The following ERC2 variants were observed in gnomAD, a reference collection of about 807,000 sequenced individuals.
ERC2 encodes ELKS/RAB6-interacting/CAST family member 2.
Under a neutral mutation model 114.8 loss-of-function variants are expected in ERC2, and 42 were observed. That is an observed-to-expected ratio of 0.37 (90% CI 0.29 to 0.47). The LOEUF (loss-of-function observed/expected upper bound fraction) is 0.47, where lower values mean the gene tolerates loss of function less well. ERC2 is among the 20% of genes least tolerant of loss of function. The pLI is 0.99. For synonymous variants in ERC2, 454 were observed against 425.5 expected, an observed-to-expected ratio of 1.07 and a Z score of -0.82; for missense variants, 939 against 1,150.7, an observed-to-expected ratio of 0.82 and a Z score of 2.66.
intron 13 of ERC2, among the ~76,000 whole-genome samples, chr3:55,944,571 T>C (rs2067011373): frequency 6.6e-6 from 1 of 152,220 alleles, no homozygotes; most frequent in African/African-American, 2.4e-5. Context: ...AACAGTTTTA[T>C]TTACACGATT....
chr3:55,666,504 T>A (rs2061361914), intron 17 of ERC2, among the ~76,000 whole-genome samples: 1 of 152,176 alleles, frequency 6.6e-6, no homozygotes, highest in Admixed American at 6.5e-5. Flanking sequence ...CAAACTCTGA[T>A]AATGTTCAAA....
chr3:56,281,345 G>A (rs1250735504), intron 3 of ERC2, among the ~76,000 whole-genome samples: 1 of 131,046 alleles, frequency 7.6e-6, no homozygotes, highest in Non-Finnish European at 1.6e-5. Context: ...GCTGAGGCAG[G>A]AGAATGGCGT....
chr3:56,192,422 T>C (rs768819642), intron 3 of ERC2, among the ~76,000 whole-genome samples: 8 of 152,188 alleles, frequency 5.3e-5, no homozygotes, highest in Non-Finnish European at 7.3e-5. Context: ...ATAATCTCAT[T>C]TATATTCTAT....
intron 2 of ERC2, among the ~76,000 whole-genome samples, chr3:56,416,441 A>G (rs1006612950): frequency 3.3e-5 from 5 of 152,076 alleles, no homozygotes; most frequent in Admixed American, 2.0e-4. Flanking sequence ...CAAACTATGC[A>G]TCTTGTTCAG....
At chr3:56,321,837 A>G (rs999060451) in intron 2 of ERC2, among the ~76,000 whole-genome samples, 2 of 152,236 alleles carry the variant, frequency 1.3e-5, no homozygotes, top group Non-Finnish European at 2.9e-5. Context: ...AATTTACTTT[A>G]ACAATAGAAA....
At chr3:56,410,358 T>C (rs1222582260) in intron 2 of ERC2, among the ~76,000 whole-genome samples, 1 of 152,232 alleles carries the variant, frequency 6.6e-6, no homozygotes, top group Admixed American at 6.5e-5. Context: ...TCAAGCCATA[T>C]GAATAAATTA....
chr3:55,891,681 A>G (rs372006881), intron 13 of ERC2, among the ~76,000 whole-genome samples: 2 of 152,054 alleles, frequency 1.3e-5, no homozygotes, highest in East Asian at 3.9e-4. Context: ...TCCTGACCTC[A>G]TGATCCACCC....
At chr3:55,786,203 G>A (rs1575595894) in intron 14 of ERC2, among the ~76,000 whole-genome samples, 1 of 152,284 alleles carries the variant, frequency 6.6e-6, no homozygotes, top group East Asian at 1.9e-4. Context: ...TGTGGAATGT[G>A]TACATGTAAT....
intron 13 of ERC2, among the ~76,000 whole-genome samples, chr3:55,931,529 A>G (rs2066087267): frequency 6.6e-6 from 1 of 152,180 alleles, no homozygotes; most frequent in South Asian, 2.1e-4. Context: ...ACATGTTCTC[A>G]TTCATAAATG....
intron 15 of ERC2, among the ~76,000 whole-genome samples, chr3:55,730,330 T>G (rs999083400): frequency 1.3e-5 from 2 of 152,212 alleles, no homozygotes; most frequent in Non-Finnish European, 2.9e-5. Context: ...TATAGATGAT[T>G]CCCCAGCACT....
At chr3:55,563,776 G>C (rs1408325711) in intron 17 of ERC2, among the ~76,000 whole-genome samples, 1 of 152,044 alleles carries the variant, frequency 6.6e-6, no homozygotes, top group Non-Finnish European at 1.5e-5. Flanking sequence ...AAGATAGAGA[G>C]ATAGACAGAG....
At chr3:56,155,418 T>TTGAGAA (rs2081652385) in intron 4 of ERC2, among the ~76,000 whole-genome samples, 1 of 151,488 alleles carries the variant, frequency 6.6e-6, no homozygotes, top group African/African-American at 2.4e-5. Context: ...TTCTTTGATA[T>TTGAGAA]CATGTATTGA....
chr3:56,352,481 C>G (rs61238596), intron 2 of ERC2, among the ~76,000 whole-genome samples: 3,010 of 152,250 alleles, frequency 0.02, 104 homozygotes, highest in African/African-American at 0.066. Context: ...GGGGAGGTGG[C>G]AAGCTCAGAC....
chr3:56,174,425 C>T (rs1236401880), intron 3 of ERC2, among the ~76,000 whole-genome samples: 1 of 152,182 alleles, frequency 6.6e-6, no homozygotes, highest in Admixed American at 6.5e-5. Context: ...ATCAAAAGTG[C>T]TCACACATAC....
intron 6 of ERC2, among the ~76,000 whole-genome samples, chr3:56,122,805 C>T (rs2079652333): frequency 6.6e-6 from 1 of 152,308 alleles, no homozygotes; most frequent in African/African-American, 2.4e-5. Flanking sequence ...TTTGCCACTG[C>T]TTCTGCTGCT....
intron 14 of ERC2, among the ~76,000 whole-genome samples, chr3:55,854,166 T>C (rs1280840572): frequency 6.6e-6 from 1 of 152,072 alleles, no homozygotes; most frequent in Non-Finnish European, 1.5e-5. Flanking sequence ...TCCCAGCTAC[T>C]TGGGAAGCTG....
At chr3:55,995,884 T>C (rs1046923523) in intron 10 of ERC2, among the ~76,000 whole-genome samples, 1 of 152,332 alleles carries the variant, frequency 6.6e-6, no homozygotes, top group South Asian at 2.1e-4. Context: ...TTCAAAATTA[T>C]GAGTCCTGAG....
At chr3:55,863,301 T>G (rs2062108140) in intron 14 of ERC2, among the ~76,000 whole-genome samples, 1 of 152,128 alleles carries the variant, frequency 6.6e-6, no homozygotes, top group Non-Finnish European at 1.5e-5. Context: ...CTTGAATATC[T>G]CTGCTTGCTC....
chr3:56,180,141 C>T (rs938824209), intron 3 of ERC2, among the ~76,000 whole-genome samples: 2 of 152,136 alleles, frequency 1.3e-5, no homozygotes, highest in Admixed American at 1.3e-4. Context: ...ACATCAATTG[C>T]TACTGAGAGA....
Sources: allele counts gnomAD v4.1 joint callset (sites outside exome capture counted in the v4.1 genomes callset), GRCh38; gene constraint gnomAD v4.1.1; transcripts MANE v1.5; gene names NCBI Gene and HGNC (gene_info 2026-07-23, HGNC 2026-07-21).